The following RPGRIP1L variants were observed in gnomAD, a reference collection of about 807,000 sequenced individuals.
RPGRIP1L encodes RPGRIP1 like.
Under a neutral mutation model 160.4 loss-of-function variants are expected in RPGRIP1L, and 131 were observed. The ratio of observed to expected loss-of-function variants is 0.82; its 90% confidence interval spans 0.71 to 0.94. The LOEUF is 0.94. Ranked by LOEUF, RPGRIP1L falls within the 40% of genes least tolerant of loss-of-function variation. The pLI, the probability that RPGRIP1L is intolerant of heterozygous loss-of-function variation, is 0.00. For synonymous variants in RPGRIP1L, 510 were observed against 515.8 expected, an observed-to-expected ratio of 0.99 and a Z score of 0.15; for missense variants, 1,522 against 1,535.8, an observed-to-expected ratio of 0.99 and a Z score of 0.15.
intron 22 of RPGRIP1L, among the ~76,000 whole-genome samples, chr16:53,631,128 A>G (rs1965491002): frequency 6.6e-6 from 1 of 152,244 alleles, no homozygotes; most frequent in African/African-American, 2.4e-5. Flanking sequence ...ATAAGATATC[A>G]TATTTGATTC....
At chr16:53,648,382 G>GAT (rs1324469413) in intron 16 of RPGRIP1L, among the ~76,000 whole-genome samples, 2 of 152,108 alleles carry the variant, frequency 1.3e-5, no homozygotes, top group East Asian at 3.9e-4. Flanking sequence ...CACAATAACT[G>GAT]ATAGTCCAAT....
At chr16:53,672,683 G>C (rs1274692978) in intron 8 of RPGRIP1L, among the ~76,000 whole-genome samples, 187 bp downstream of exon 8, 1 of 152,120 alleles carries the variant, frequency 6.6e-6, no homozygotes, top group Non-Finnish European at 1.5e-5. Flanking sequence ...TGCCACATTT[G>C]CAAGTACAGT....
intron 21 of RPGRIP1L, 126 bp from the exon 22 acceptor site, chr16:53,636,638 T>A: frequency 1.7e-6 from 1 of 592,020 alleles, no homozygotes; most frequent in Non-Finnish European, 2.9e-6. Flanking sequence ...TATACCTAGA[T>A]CTTTTTTAGT....
At chr16:53,627,536 G>A (rs1426710128) in intron 22 of RPGRIP1L, among the ~76,000 whole-genome samples, 3 of 152,078 alleles carry the variant, frequency 2.0e-5, no homozygotes, top group Non-Finnish European at 2.9e-5. Context: ...AAAACTACCA[G>A]CTGCCAAATC....
intron 15 of RPGRIP1L, among the ~76,000 whole-genome samples, chr16:53,649,654 C>T (rs903111295): frequency 6.6e-6 from 1 of 152,162 alleles, no homozygotes; most frequent in East Asian, 1.9e-4. Flanking sequence ...CACCCTTGCA[C>T]GATGTTTGCC....
intron 17 of RPGRIP1L, among the ~76,000 whole-genome samples, chr16:53,642,584 T>C (rs2151066367): frequency 6.6e-6 from 1 of 152,254 alleles, no homozygotes; most frequent in East Asian, 1.9e-4. Flanking sequence ...ATGATAAAAC[T>C]GGACAAAATG....
In RPGRIP1L at chr16:53,640,181, T is replaced by C. The variant is rs548455040; in HGVS notation, c.2958+852A>G. On this transcript the variant is annotated intron_variant, in intron 19 of 26. Transcript: ENST00000647211. The stretch of plus-strand genomic sequence containing the variant: ...CCTCCAAAATTTCATGCCTGTGCAA[T>C]CAAGTGAATGATTATGTCATTTACA... Among the ~76,000 whole-genome samples, 336 of 152,284 alleles carry C rather than the reference T, an allele frequency of 2.2e-3. 2 individuals are homozygous for C. Among genetic ancestry groups the C allele is most frequent in the African/African-American group, 7.7e-3 (321 of 41,576 alleles).
chr16:53,696,360 T>C, intron 2 of RPGRIP1L, 65 bp from the exon 3 acceptor site: 1 of 1,537,794 alleles, frequency 6.5e-7, no homozygotes, highest in Non-Finnish European at 9.0e-7. Flanking sequence ...ACTCTTGATA[T>C]TAATATAATC....
intron 6 of RPGRIP1L, among the ~76,000 whole-genome samples, chr16:53,677,501 G>A (rs1474323776): frequency 6.6e-6 from 1 of 152,098 alleles, no homozygotes; most frequent in Non-Finnish European, 1.5e-5. Flanking sequence ...TGCTAGGTCA[G>A]TGATAACATA....
At chr16:53,659,175 C>G in intron 10 of RPGRIP1L, 1 of 925,122 alleles carries the variant, frequency 1.1e-6, no homozygotes, top group Non-Finnish European at 1.3e-6. Flanking sequence ...TTTAAAATAC[C>G]TGAGAAAATG....
chr16:53,625,452 C>T (rs1381125624), intron 22 of RPGRIP1L, among the ~76,000 whole-genome samples: 14 of 138,610 alleles, frequency 1.0e-4, no homozygotes, highest in East Asian at 5.2e-4. Flanking sequence ...TGCCTCCACC[C>T]GGCAGCCGCC....
chr16:53,667,831 C>G (rs927913355), intron 9 of RPGRIP1L, among the ~76,000 whole-genome samples: 5 of 151,678 alleles, frequency 3.3e-5, no homozygotes, highest in African/African-American at 1.2e-4. Flanking sequence ...CAAGACCATG[C>G]CACTATGCTC....
chr16:53,697,778 C>T (rs539432349), intron 2 of RPGRIP1L, among the ~76,000 whole-genome samples: 1,845 of 151,950 alleles, frequency 0.012, 32 homozygotes, highest in African/African-American at 0.042. Flanking sequence ...TCTGCCCGGC[C>T]GCCACCCCGT....
chr16:53,650,948 G>A (rs1426285988), intron 15 of RPGRIP1L, among the ~76,000 whole-genome samples: 3 of 152,026 alleles, frequency 2.0e-5, no homozygotes, highest in African/African-American at 7.2e-5. Context: ...CACTCTCTAT[G>A]TGATTTTATC....
chr16:53,605,382 A>G lies in RPGRIP1L; in HGVS notation c.3835+99T>C, dbSNP rs766059991. 53 of 1,358,412 alleles carry G rather than the reference A, an allele frequency of 3.9e-5. No individual in the cohort carries two copies. The African/African-American group carries it at 6.9e-4, about 18-fold the overall frequency. The allele number at this position is 1,358,412 out of a possible 1,614,324, so 84.1% of individuals were successfully genotyped here. A position where few individuals can be genotyped will look rare whatever the true frequency, so the allele number is the denominator to read the frequency against. On this transcript the variant is annotated intron_variant, in intron 26 of 26. Transcript: ENST00000647211. Reference sequence around the variant, plus strand: ...TTGTAAAGGATTCAAGTAACGTGTGACTCAGCACCCTTGGAGCCAGCAAAA... The same window carrying G: ...TTGTAAAGGATTCAAGTAACGTGTGGCTCAGCACCCTTGGAGCCAGCAAAA...
At chr16:53,657,333 A>G in intron 13 of RPGRIP1L, 120 bp downstream of exon 13, 1 of 668,150 alleles carries the variant, frequency 1.5e-6, no homozygotes, top group Non-Finnish European at 2.6e-6. Context: ...CAGAGATGTG[A>G]TATGTTAGTA....
At chr16:53,649,217 T>A in intron 15 of RPGRIP1L, 102 bp from the exon 16 acceptor site, 2 of 945,372 alleles carry the variant, frequency 2.1e-6, no homozygotes, top group South Asian at 1.4e-5. Context: ...CTATACATTT[T>A]ATGCTGAGTA....
intron 8 of RPGRIP1L, 101 bp from the exon 9 acceptor site, chr16:53,671,684 G>A (rs1968750368): frequency 1.6e-6 from 1 of 625,854 alleles, no homozygotes; most frequent in South Asian, 2.0e-5. Flanking sequence ...AGGTTAACAT[G>A]TTTTAATCTC....
intron 22 of RPGRIP1L, among the ~76,000 whole-genome samples, chr16:53,633,324 C>T (rs147238771): frequency 3.9e-4 from 59 of 152,294 alleles, no homozygotes; most frequent in Non-Finnish European, 6.6e-4. Context: ...CACACAGTAT[C>T]GCTTCTGTAT....
Sources: gnomAD v4.1 joint callset for allele counts (sites outside exome capture counted in the v4.1 genomes callset) on GRCh38, gnomAD v4.1.1 for gene constraint, MANE v1.5 for transcripts, NCBI Gene and HGNC (gene_info 2026-07-23, HGNC 2026-07-21) for gene names.